THOP1: variants seen among roughly 807,000 people sequenced by gnomAD.
THOP1 encodes thimet oligopeptidase 1, also known as thimet oligopeptidase.
In THOP1, 49 loss-of-function variants were observed where a neutral mutation model predicts 71.8. The ratio of observed to expected loss-of-function variants is 0.68; its 90% CI spans 0.54 to 0.87. The LOEUF (loss-of-function observed/expected upper bound fraction) is 0.87, where lower values mean the gene tolerates loss of function less well. Ranked by LOEUF, THOP1 falls within the 40% of genes least tolerant of loss-of-function variation. The pLI is 0.00. For synonymous variants in THOP1, 426 were observed against 421.5 expected (o/e 1.01, Z -0.13); for missense variants, 843 against 975.6 (o/e 0.86, Z 1.81).
intron 12 of THOP1, 152 bp downstream of exon 12, chr19:2,811,886 G>A: frequency 7.3e-7 from 1 of 1,360,582 alleles, no homozygotes; most frequent in Non-Finnish European, 9.8e-7. Flanking sequence ...TGGGGACAGG[G>A]AGGGCGTCCT....
chr19:2,796,357 G>A (rs2260416), intron 4 of THOP1, among the ~76,000 whole-genome samples, 169 bp downstream of exon 4: 49,205 of 149,096 alleles, frequency 0.33, 8,250 homozygotes, highest in East Asian at 0.49. Context: ...GGCATCAGGA[G>A]TGCTGGGTTC....
At chr19:2,789,375 G>A (rs946646272) in intron 1 of THOP1, among the ~76,000 whole-genome samples, 4 of 152,264 alleles carry the variant, frequency 2.6e-5, no homozygotes, top group Admixed American at 6.5e-5. Context: ...AGCTGCTCTC[G>A]CTGCCAGGAG....
intron 1 of THOP1, among the ~76,000 whole-genome samples, chr19:2,788,723 C>T (rs1915807639): frequency 1.3e-5 from 2 of 152,162 alleles, no homozygotes; most frequent in South Asian, 4.1e-4. Flanking sequence ...AGGTGATCCA[C>T]CCGCCTTGGC....
chr19:2,802,349 A>G (rs1418012769), intron 5 of THOP1, among the ~76,000 whole-genome samples: 1 of 88,932 alleles, frequency 1.1e-5, no homozygotes, highest in Non-Finnish European at 2.2e-5. Context: ...CGACACCAAC[A>G]CCTCCCAACA....
chr19:2,794,721 G>A (rs750518178), intron 2 of THOP1, 43 bp from the exon 3 acceptor site: 33 of 1,585,350 alleles, frequency 2.1e-5, no homozygotes, highest in Middle Eastern at 3.4e-4. Context: ...AGTTGTACTG[G>A]GGCCTGTTCT....
intron 5 of THOP1, 60 bp downstream of exon 5, chr19:2,799,851 C>T (rs1916105362): frequency 7.4e-6 from 11 of 1,483,494 alleles, no homozygotes; most frequent in Non-Finnish European, 1.0e-5. Flanking sequence ...TGCAGGCCTG[C>T]CAGGCCCTCG....
rs1916359824 is a variant in THOP1, at chr19:2,808,191, C to T, written c.1254-52C>T. On this transcript the variant is annotated intron_variant, in intron 8 of 12. Coordinates refer to ENST00000307741, the MANE Select transcript of THOP1 (RefSeq NM_003249.5). Reference sequence around the variant, plus strand: ...GGGCTGAGGGATGCGGAGTCAGGGACTCTTGCGGTGTCTCTAGTCCCTGCG... The same window carrying T: ...GGGCTGAGGGATGCGGAGTCAGGGATTCTTGCGGTGTCTCTAGTCCCTGCG... 7 of 1,529,810 alleles carry T rather than the reference C, an allele frequency of 4.6e-6. No individual in the cohort carries two copies. The Admixed American group carries it at 1.2e-4, about 26-fold the overall frequency. The allele number at this position is 1,529,810 out of a possible 1,614,324, so 94.8% of individuals were successfully genotyped here. A position where few individuals can be genotyped will look rare whatever the true frequency, so the allele number is the denominator to read the frequency against.
At position 2,801,536 on chromosome 19, in the gene THOP1, C is replaced by G. The variant is rs553366146; in HGVS notation, c.589+1745C>G. ...CCAGGGCTGTCCGCTGCTGCTGCCC[C>G]GGGACCTGTTTCCCTTTGTGGTCCG... is the stretch of plus-strand genomic sequence containing the variant. On this transcript the variant is annotated intron_variant, in intron 5 of 12. Coordinates refer to ENST00000307741, the MANE Select transcript of THOP1 (RefSeq NM_003249.5). This position sits in a 1 kb window ranked among gnomAD's most constrained non-coding sequence, Gnocchi z 5.1. Among the ~76,000 whole-genome samples the G allele has an allele frequency of 6.6e-6, 1 of 152,246 alleles. No homozygotes were observed. The highest frequency in any genetic ancestry group is 2.1e-4 in the South Asian group (1 of 4,820).
chr19:2,799,480 G>A (rs527637751), intron 4 of THOP1, among the ~76,000 whole-genome samples: 3 of 152,340 alleles, frequency 2.0e-5, no homozygotes, highest in African/African-American at 7.2e-5. Context: ...CGCAGCTGGT[G>A]TTGAAATCCA....
intron 9 of THOP1, 39 bp downstream of exon 9, chr19:2,808,483 G>T: frequency 6.5e-7 from 1 of 1,544,260 alleles, no homozygotes. Flanking sequence ...GCAGGGGCAG[G>T]GGCAGGGGCT....
rs150535059 is a variant in THOP1, at chr19:2,804,232, C to T, written c.590-784C>T. Among the ~76,000 whole-genome samples, 51 of 152,328 alleles carry T rather than the reference C, an allele frequency of 3.3e-4. No individual in the cohort carries two copies. Among genetic ancestry groups the T allele is most frequent in the African/African-American group, 1.2e-3 (48 of 41,564 alleles). On this transcript the variant is annotated intron_variant, in intron 5 of 12. Coordinates refer to ENST00000307741, the MANE Select transcript of THOP1 (RefSeq NM_003249.5). This position sits in a 1 kb window ranked among gnomAD's most constrained non-coding sequence, Gnocchi z 4.7. ...AGAGGGTTTCAGTCCGGGATGCTGC[C>T]GCCCCCACTTCTCTTGAGGCTGTCG...
rs527386459 is a variant in THOP1 at position 2,788,815 on chromosome 19, C to T, written c.17-1606C>T. On this transcript the variant is annotated intron_variant, in intron 1 of 12. Transcript: ENST00000307741. ...TTGCTTTGTCGCCTAGGCTAGAGTG[C>T]AGTGGTGCAATCTCAGTTCACTGCA... Among the ~76,000 whole-genome samples, 12 of 152,226 alleles carry T rather than the reference C, an allele frequency of 7.9e-5. No homozygotes were observed. The South Asian group carries it at 2.5e-3, about 32-fold the overall frequency.
At chr19:2,797,118 C>T (rs1219265996) in intron 4 of THOP1, among the ~76,000 whole-genome samples, 1 of 152,208 alleles carries the variant, frequency 6.6e-6, no homozygotes, top group South Asian at 2.1e-4. Context: ...GCTGGGGTCC[C>T]TTGTGAAGGC....
At chr19:2,809,205 A>G (rs1297274640) in intron 9 of THOP1, among the ~76,000 whole-genome samples, 1 of 152,148 alleles carries the variant, frequency 6.6e-6, no homozygotes, top group East Asian at 1.9e-4. Context: ...AAGACACCTT[A>G]CTGCTGTACA....
intron 1 of THOP1, among the ~76,000 whole-genome samples, chr19:2,788,852 C>G (rs756099777): frequency 9.2e-5 from 14 of 152,128 alleles, no homozygotes; most frequent in Non-Finnish European, 2.1e-4. Flanking sequence ...CCTCTGGCTC[C>G]TGGGTTCAAG....
At chr19:2,796,216 G>A in intron 4 of THOP1, 28 bp downstream of exon 4, 1 of 1,575,752 alleles carries the variant, frequency 6.3e-7, no homozygotes, top group Non-Finnish European at 8.7e-7. Flanking sequence ...GGAGTGCTGG[G>A]CGTGGGCAAT....
Position 2,813,423 on chromosome 19 carries a change from C to CCCCACCCGGTCGTGG in THOP1, c.*157_*171dup. 2 of 1,077,582 alleles carry CCCCACCCGGTCGTGG rather than the reference C, an allele frequency of 1.9e-6. No homozygotes were observed. Among genetic ancestry groups the CCCCACCCGGTCGTGG allele is most frequent in the Non-Finnish European group, 2.6e-6 (2 of 777,840 alleles). 66.8% of individuals were successfully genotyped at this position (1,077,582 alleles called of 1,614,324 possible). On this transcript the variant is annotated 3_prime_UTR_variant, in exon 13 of 13. Coordinates refer to ENST00000307741, the MANE Select transcript of THOP1 (RefSeq NM_003249.5). The stretch of plus-strand genomic sequence containing the variant: ...TGTCTTGCCTCTTGTCATTGTCTGT[C>CCCCACCCGGTCGTGG]CCCACCCGGTCGTGGCCCACCCGGC...
In THOP1 at chr19:2,805,270, A is replaced by AC. The variant is rs1916263436; in HGVS notation, c.750+95dup. ...TGTGTGAGGCACCTCCAGGCTTTGC[A>AC]CTTGGATGGCCTCCCAATCTCCCTG... On this transcript the variant is annotated intron_variant, in intron 6 of 12. Transcript: ENST00000307741. The surrounding 1 kb of genome is among the most constrained non-coding windows in gnomAD (Gnocchi z 6.6). 1 of 1,404,740 alleles carries AC rather than the reference A, an allele frequency of 7.1e-7. No individual in the cohort carries two copies. The highest frequency in any genetic ancestry group is 1.4e-5 in the African/African-American group (1 of 69,320). The allele number at this position is 1,404,740 out of a possible 1,614,324, so 87.0% of individuals were successfully genotyped here.
In THOP1 at chr19:2,815,480, A is replaced by T. The variant is rs1301167991; in HGVS notation, c.*2204A>T. On this transcript the variant is annotated 3_prime_UTR_variant, in exon 13 of 13. Coordinates refer to ENST00000307741, the MANE Select transcript of THOP1 (RefSeq NM_003249.5). Reference sequence around the variant, plus strand: ...GCTCTGTGGACACCCAGGGATGTGGAGGTAGTAGCACAGAGTCTCGGTCCA... The same window carrying T: ...GCTCTGTGGACACCCAGGGATGTGGTGGTAGTAGCACAGAGTCTCGGTCCA... 6.6e-6 allele frequency: 1 copy of T among 152,232 alleles called. No individual in the cohort carries two copies. Among genetic ancestry groups the T allele is most frequent in the Non-Finnish European group, 1.5e-5 (1 of 68,060 alleles). The allele number at this position is 152,232 out of a possible 1,614,324, so 9.4% of individuals were successfully genotyped here.
Sources: allele counts gnomAD v4.1 joint callset (sites outside exome capture counted in the v4.1 genomes callset), GRCh38; gene constraint gnomAD v4.1.1; non-coding constraint Gnocchi (gnomAD v3.1); transcripts MANE v1.5; gene names NCBI Gene and HGNC (gene_info 2026-07-23, HGNC 2026-07-21).